The following TRIB2 variants were observed in gnomAD, a reference collection of about 807,000 sequenced individuals.
TRIB2 encodes tribbles pseudokinase 2.
TRIB2 carries 2 observed loss-of-function variants against 26.8 expected under a neutral mutation model. The ratio of observed to expected loss-of-function variants is 0.07; its 90% CI spans 0.03 to 0.24. The LOEUF is 0.24. Ranked by LOEUF, TRIB2 falls within the 10% of genes least tolerant of loss-of-function variation. TRIB2 has a pLI of 1.00. For missense variants in TRIB2, 306 were observed against 449.0 expected (o/e 0.68, Z 2.88); for synonymous variants, 189 against 187.3 (o/e 1.01, Z -0.08).
chr2:12,739,026 G>A (rs66540381), intron 2 of TRIB2, among the ~76,000 whole-genome samples: 15,682 of 152,120 alleles, frequency 0.1, 1,998 homozygotes, highest in East Asian at 0.65. Context: ...ACCTTAAATG[G>A]GAGGGAAAGA....
chr2:12,720,542 A>G (rs557402287), intron 1 of TRIB2, among the ~76,000 whole-genome samples: 18 of 152,230 alleles, frequency 1.2e-4, no homozygotes, highest in Admixed American at 9.8e-4. Context: ...GCCCTGAGAG[A>G]TATATATGCT....
intron 1 of TRIB2, among the ~76,000 whole-genome samples, chr2:12,722,952 T>A (rs563204670): frequency 6.6e-6 from 1 of 152,330 alleles, no homozygotes; most frequent in Admixed American, 6.5e-5. Context: ...TAATGAAAAT[T>A]ATTATTTCTG....
In TRIB2 at chr2:12,718,595, T is replaced by C. The variant is rs1485265091; in HGVS notation, c.270+18T>C. On this transcript the variant is annotated intron_variant, in intron 1 of 2. Coordinates refer to ENST00000155926, the MANE Select transcript of TRIB2 (RefSeq NM_021643.4). This position sits in a 1 kb window ranked among gnomAD's most constrained non-coding sequence, Gnocchi z 4.0. ...TGTGCAAGGTAAAGGGCCAGTGGGT[T>C]GCTTTTTGTCTTTGGAAGGGGCCCG... The C allele has an allele frequency of 6.2e-7, 1 of 1,604,856 alleles. No homozygotes were observed. Among genetic ancestry groups the C allele is most frequent in the Non-Finnish European group, 8.5e-7 (1 of 1,172,392 alleles).
chr2:12,719,444 A>G (rs1046414792), intron 1 of TRIB2, among the ~76,000 whole-genome samples: 1 of 152,090 alleles, frequency 6.6e-6, no homozygotes, highest in South Asian at 2.1e-4. Context: ...GTGTGCACCC[A>G]CCGGGCCCCA....
At chr2:12,728,398 G>T (rs1171551705) in intron 2 of TRIB2, among the ~76,000 whole-genome samples, 2 of 152,192 alleles carry the variant, frequency 1.3e-5, no homozygotes, top group Non-Finnish European at 2.9e-5. Context: ...AGCCCTTTGA[G>T]CAGGTGCACC....
intron 2 of TRIB2, among the ~76,000 whole-genome samples, chr2:12,725,084 G>A (rs2103251913): frequency 6.6e-6 from 1 of 152,352 alleles, no homozygotes; most frequent in Middle Eastern, 3.4e-3. Context: ...GGACAGGAAA[G>A]AGCAGAAGTA....
chr2:12,729,040 G>A (rs983031292), intron 2 of TRIB2, among the ~76,000 whole-genome samples: 5 of 152,076 alleles, frequency 3.3e-5, no homozygotes, highest in African/African-American at 7.2e-5. Flanking sequence ...AATACCTTTC[G>A]TTTTTGCTTT....
At chr2:12,738,097 A>C (rs34392899) in intron 2 of TRIB2, among the ~76,000 whole-genome samples, 50,489 of 151,990 alleles carry the variant, frequency 0.33, 10,104 homozygotes, top group East Asian at 0.73. Flanking sequence ...AATATGAGGC[A>C]TTAGAGTCAA....
In TRIB2 at chr2:12,740,257, T is replaced by G; in HGVS notation, c.564-69T>G. 4 of 1,415,448 alleles carry G rather than the reference T, an allele frequency of 2.8e-6. No individual in the cohort carries two copies. Among genetic ancestry groups the G allele is most frequent in the Non-Finnish European group, 3.9e-6 (4 of 1,020,426 alleles). The allele number at this position is 1,415,448 out of a possible 1,614,324, so 87.7% of individuals were successfully genotyped here. A position where few individuals can be genotyped will look rare whatever the true frequency, so the allele number is the denominator to read the frequency against. Reference sequence around the variant, plus strand: ...TCTTCAGAAACACTATAGTCGGTTATGTTATGATGCTGGTGGTAACGTGTC... The same window carrying G: ...TCTTCAGAAACACTATAGTCGGTTAGGTTATGATGCTGGTGGTAACGTGTC... On this transcript the variant is annotated intron_variant, in intron 2 of 2. Coordinates refer to ENST00000155926, the MANE Select transcript of TRIB2 (RefSeq NM_021643.4). This position sits in a 1 kb window ranked among gnomAD's most constrained non-coding sequence, Gnocchi z 5.8.
At chr2:12,727,453 C>CT (rs1216908271) in intron 2 of TRIB2, among the ~76,000 whole-genome samples, 23 of 152,328 alleles carry the variant, frequency 1.5e-4, no homozygotes, top group Non-Finnish European at 2.9e-4. Context: ...ATTCTCCTCT[C>CT]TGTTTGGTTT....
rs1209106866 is a variant in TRIB2 at position 12,740,754 on chromosome 2, A to T, written c.992A>T (p.Asp331Val). 1 of 1,614,174 alleles carries T rather than the reference A, an allele frequency of 6.2e-7. No homozygotes were observed. Among genetic ancestry groups the T allele is most frequent in the Middle Eastern group, 1.6e-4 (1 of 6,062 alleles). ...GAAGTGTCTGACCAGCTGGTGCCGGACGTCAACATGGAAGAGAACTTGGAC... is the reference window on the plus strand; with the variant it reads ...GAAGTGTCTGACCAGCTGGTGCCGGTCGTCAACATGGAAGAGAACTTGGAC... ...AKEVSDQLVP[D>V]VNMEENLDPF... Residue 331 changes from aspartate to valine, a missense_variant, in exon 3 of 3, where the codon GAC becomes GTC. This residue lies in a region of TRIB2 where 78 missense variants were observed against 104.9 expected (regional missense o/e 0.74). Coordinates refer to ENST00000155926, the MANE Select transcript of TRIB2 (RefSeq NM_021643.4). This position sits in a 1 kb window ranked among gnomAD's most constrained non-coding sequence, Gnocchi z 5.8.
At chr2:12,738,743 T>C (rs1417070004) in intron 2 of TRIB2, among the ~76,000 whole-genome samples, 2 of 152,146 alleles carry the variant, frequency 1.3e-5, no homozygotes, top group Non-Finnish European at 2.9e-5. Context: ...GGGCGCTGGG[T>C]GGAGGAAGCT....
intron 2 of TRIB2, among the ~76,000 whole-genome samples, chr2:12,735,400 C>T (rs1001093733): frequency 1.3e-5 from 2 of 152,218 alleles, no homozygotes; most frequent in East Asian, 3.9e-4. Context: ...ACACGTACAG[C>T]GCACCTTGAT....
chr2:12,726,923 C>G (rs1304301221), intron 2 of TRIB2, among the ~76,000 whole-genome samples: 1 of 152,196 alleles, frequency 6.6e-6, no homozygotes, highest in African/African-American at 2.4e-5. Context: ...GACTCTGCAT[C>G]CATGGCCATC....
chr2:12,725,425 T>C (rs1191706734), intron 2 of TRIB2, among the ~76,000 whole-genome samples: 2 of 152,066 alleles, frequency 1.3e-5, no homozygotes, highest in Admixed American at 6.6e-5. Flanking sequence ...ACTCCAGAGG[T>C]GAGAGCACGC....
Position 12,740,980 on chromosome 2 carries a change from G to T in TRIB2, c.*186G>T, listed in dbSNP as rs749693547. 2.4e-5 allele frequency: 15 copies of T among 616,564 alleles called. No individual in the cohort carries two copies. Among genetic ancestry groups the T allele is most frequent in the Non-Finnish European group, 5.6e-6 (2 of 356,370 alleles). 38.2% of individuals were successfully genotyped at this position (616,564 alleles called of 1,614,324 possible). A position where few individuals can be genotyped will look rare whatever the true frequency, so the allele number is the denominator to read the frequency against. On this transcript the variant is annotated 3_prime_UTR_variant, in exon 3 of 3. Transcript: ENST00000155926. This position sits in a 1 kb window ranked among gnomAD's most constrained non-coding sequence, Gnocchi z 5.8. ...CGTAGCATGGGGGCAAGAGGCGTGGGATGGGGATTGGGGTGAGATGGATGG... is the reference window on the plus strand; with the variant it reads ...CGTAGCATGGGGGCAAGAGGCGTGGTATGGGGATTGGGGTGAGATGGATGG...
chr2:12,731,918 G>A (rs933437885), intron 2 of TRIB2, among the ~76,000 whole-genome samples: 4 of 152,230 alleles, frequency 2.6e-5, no homozygotes, highest in Non-Finnish European at 5.9e-5. Flanking sequence ...CTGAGCCTGC[G>A]GAAGCTTTGC....
intron 2 of TRIB2, among the ~76,000 whole-genome samples, chr2:12,729,764 T>C (rs566603952): frequency 1.0e-3 from 157 of 152,242 alleles, no homozygotes; most frequent in Non-Finnish European, 1.5e-3. Flanking sequence ...ACTTAGTAAC[T>C]AGTTGATGGG....
chr2:12,721,843 C>T (rs939359659), intron 1 of TRIB2, among the ~76,000 whole-genome samples: 1 of 152,178 alleles, frequency 6.6e-6, no homozygotes, highest in African/African-American at 2.4e-5. Context: ...AGCAACTTAA[C>T]TCATGGATTC....
Sources: allele counts gnomAD v4.1 joint callset (sites outside exome capture counted in the v4.1 genomes callset), GRCh38; gene constraint gnomAD v4.1.1; regional missense constraint gnomAD v4.1.1; non-coding constraint Gnocchi (gnomAD v3.1); transcripts MANE v1.5; gene names NCBI Gene and HGNC (gene_info 2026-07-23, HGNC 2026-07-21).